LANCL2: variants seen among roughly 807,000 people sequenced by gnomAD.
The protein encoded by LANCL2 is lanC-like protein 2.
In LANCL2, 33 loss-of-function variants were observed where a neutral mutation model predicts 56.9. That is an observed-to-expected ratio of 0.58 (90% CI 0.44 to 0.78). The LOEUF is 0.78. Among genes scored for constraint, LANCL2 ranks in the 30% least tolerant of loss-of-function variants. LANCL2 has a pLI of 0.00. For synonymous variants in LANCL2, 233 were observed against 228.2 expected, an observed-to-expected ratio of 1.02 and a Z score of -0.19; for missense variants, 562 against 580.2, an observed-to-expected ratio of 0.97 and a Z score of 0.32.
At chr7:55,411,785 G>A in intron 5 of LANCL2, 122 bp from the exon 6 acceptor site, 1 of 955,282 alleles carries the variant, frequency 1.0e-6, no homozygotes, top group Non-Finnish European at 1.5e-6. Context: ...ATAGTTGAAT[G>A]AATTCTAATT....
Position 55,400,107 on chromosome 7 carries a change from A to G in LANCL2, c.678+3A>G, listed in dbSNP as rs1280894644. On this transcript the variant is annotated splice_donor_region_variant and intron_variant, in intron 4 of 8. Transcript: ENST00000254770. ...TGTGTGAGTCAGCTATTAAAGAGGTACTATGGGGTATGGGTAACTATGGGC... is the reference window on the plus strand; with the variant it reads ...TGTGTGAGTCAGCTATTAAAGAGGTGCTATGGGGTATGGGTAACTATGGGC... The G allele has an allele frequency of 3.1e-6, 5 of 1,592,454 alleles. No homozygotes were observed. Among genetic ancestry groups the G allele is most frequent in the African/African-American group, 1.3e-5 (1 of 74,692 alleles).
intron 1 of LANCL2, among the ~76,000 whole-genome samples, chr7:55,390,746 A>C (rs1583749338): frequency 6.6e-6 from 1 of 151,054 alleles, no homozygotes; most frequent in African/African-American, 2.4e-5. Context: ...ACACCACAGC[A>C]CTCCAGCCTG....
intron 6 of LANCL2, among the ~76,000 whole-genome samples, chr7:55,418,661 C>G (rs1171425125): frequency 6.6e-6 from 1 of 152,098 alleles, no homozygotes; most frequent in African/African-American, 2.4e-5. Context: ...TGGTTAGGAG[C>G]TATAGTATAA....
intron 5 of LANCL2, among the ~76,000 whole-genome samples, chr7:55,403,533 C>G (rs570536240): frequency 6.6e-6 from 1 of 151,034 alleles, no homozygotes; most frequent in Non-Finnish European, 1.5e-5. Flanking sequence ...GTTATCTGTT[C>G]CCCACACTTT....
In LANCL2 at chr7:55,422,551, TG is replaced by T. The variant is rs1212065814; in HGVS notation, c.1009-2699del. ...TGTAAGTGTGTATCTTTTAGTACAC[TG>T]GGGTGACTGGCCACTCTTTTCCTAC... On this transcript the variant is annotated intron_variant, in intron 6 of 8. Transcript: ENST00000254770. Among the ~76,000 whole-genome samples, 7 of 152,198 alleles carry T rather than the reference TG, an allele frequency of 4.6e-5. 1 individual carries two copies. The highest frequency in any genetic ancestry group is 1.0e-4 in the Non-Finnish European group (7 of 68,030).
At chr7:55,411,219 ATTT>A (rs1377959068) in intron 5 of LANCL2, 1 of 149,948 alleles carries the variant, frequency 6.7e-6, no homozygotes, top group Non-Finnish European at 1.5e-5. Flanking sequence ...GAATGTTTTT[ATTT>A]AAGTCCTTTT....
intron 7 of LANCL2, among the ~76,000 whole-genome samples, chr7:55,427,778 G>A (rs1264922950): frequency 1.3e-5 from 2 of 152,188 alleles, no homozygotes; most frequent in Non-Finnish European, 2.9e-5. Context: ...GCACAAAAGG[G>A]AAGTTTATTA....
At chr7:55,418,031 T>G (rs1790564981) in intron 6 of LANCL2, among the ~76,000 whole-genome samples, 1 of 152,184 alleles carries the variant, frequency 6.6e-6, no homozygotes, top group African/African-American at 2.4e-5. Flanking sequence ...ATGTGGTATA[T>G]CTCTCCATTT....
chr7:55,366,291 C>T (rs1317085381), intron 1 of LANCL2, 62 bp downstream of exon 1: 6 of 1,358,390 alleles, frequency 4.4e-6, no homozygotes, highest in Non-Finnish European at 4.9e-6. Context: ...TAGCGTCCAC[C>T]TTCCGCCAGG....
At chr7:55,366,265 G>C in intron 1 of LANCL2, 36 bp downstream of exon 1, 2 of 1,438,096 alleles carry the variant, frequency 1.4e-6, no homozygotes, top group Non-Finnish European at 9.2e-7. Context: ...GCGCCGGAGG[G>C]GGAGCGCGGC....
intron 2 of LANCL2, among the ~76,000 whole-genome samples, chr7:55,393,692 G>A (rs1034180046): frequency 6.6e-5 from 10 of 151,826 alleles, no homozygotes; most frequent in Non-Finnish European, 8.8e-5. Flanking sequence ...ATTTACATTC[G>A]TTTTTGTGAT....
chr7:55,417,027 T>C lies in LANCL2; in HGVS notation c.1008+4938T>C, dbSNP rs1322763718. Among the ~76,000 whole-genome samples, 4 of 138,182 alleles carry C rather than the reference T, an allele frequency of 2.9e-5. No individual in the cohort carries two copies. The East Asian group carries it at 9.4e-4, about 33-fold the overall frequency. 90.7% of individuals were successfully genotyped at this position (138,182 alleles called of 152,430 possible). ...CAGAGTCTCACTCTGTCGCCCAGGCTGGAGTGCAGTGGCACGATCTCTGCT... is the reference window on the plus strand; with the variant it reads ...CAGAGTCTCACTCTGTCGCCCAGGCCGGAGTGCAGTGGCACGATCTCTGCT... On this transcript the variant is annotated intron_variant, in intron 6 of 8. Transcript: ENST00000254770.
In LANCL2 at chr7:55,415,987, A is replaced by G. The variant is rs187854470; in HGVS notation, c.1008+3898A>G. Among the ~76,000 whole-genome samples, 202 of 152,196 alleles carry G rather than the reference A, an allele frequency of 1.3e-3. 2 individuals are homozygous for G. Among genetic ancestry groups the G allele is most frequent in the Non-Finnish European group, 1.7e-3 (119 of 68,008 alleles). Reference sequence around the variant, plus strand: ...CAAGCTGCTATGAACATTCTTGCACAGGTCTGTCTAGAGACACATGTCTTC... The same window carrying G: ...CAAGCTGCTATGAACATTCTTGCACGGGTCTGTCTAGAGACACATGTCTTC... On this transcript the variant is annotated intron_variant, in intron 6 of 8. Transcript: ENST00000254770.
intron 5 of LANCL2, among the ~76,000 whole-genome samples, chr7:55,409,122 T>G (rs1449376844): frequency 6.6e-6 from 1 of 150,724 alleles, no homozygotes; most frequent in Admixed American, 6.6e-5. Flanking sequence ...GGAGTCTTGC[T>G]CTGTTGCCCA....
At chr7:55,422,391 C>T (rs1410461499) in intron 6 of LANCL2, among the ~76,000 whole-genome samples, 1 of 152,100 alleles carries the variant, frequency 6.6e-6, no homozygotes, top group Non-Finnish European at 1.5e-5. Flanking sequence ...TTGCACTATT[C>T]TCTTGTATGG....
chr7:55,389,878 A>G (rs1002581591), intron 1 of LANCL2, among the ~76,000 whole-genome samples: 2 of 152,216 alleles, frequency 1.3e-5, no homozygotes, highest in Admixed American at 6.5e-5. Flanking sequence ...AAATATCTGT[A>G]TGGAAAAGAT....
chr7:55,410,931 C>T (rs1235802958), intron 5 of LANCL2, among the ~76,000 whole-genome samples: 1 of 113,298 alleles, frequency 8.8e-6, no homozygotes, highest in Non-Finnish European at 2.0e-5. Context: ...GTGGCACTGT[C>T]ATTCTAAGGA....
At chr7:55,380,677 G>A (rs776816548) in intron 1 of LANCL2, among the ~76,000 whole-genome samples, 3 of 151,980 alleles carry the variant, frequency 2.0e-5, no homozygotes, top group Non-Finnish European at 4.4e-5. Context: ...TGAGTAATTG[G>A]AGGAGGAGGG....
chr7:55,412,749 T>G (rs1195942577), intron 6 of LANCL2, among the ~76,000 whole-genome samples: 1 of 152,260 alleles, frequency 6.6e-6, no homozygotes. Flanking sequence ...AACACATCTG[T>G]GTTTGTAATA....
Sources: gnomAD v4.1 joint callset for allele counts (sites outside exome capture counted in the v4.1 genomes callset) on GRCh38, gnomAD v4.1.1 for gene constraint, MANE v1.5 for transcripts, NCBI Gene and HGNC (gene_info 2026-07-23, HGNC 2026-07-21) for gene names.